Variants in NEDD4L observed in about 807,000 individuals in gnomAD.
NEDD4L encodes the protein NEDD4 like E3 ubiquitin protein ligase.
In NEDD4L, 54 loss-of-function variants were observed where a neutral mutation model predicts 148.9. The ratio of observed to expected loss-of-function variants is 0.36; its 90% CI spans 0.29 to 0.45. The LOEUF (loss-of-function observed/expected upper bound fraction) is 0.45. Among genes scored for constraint, NEDD4L ranks in the 20% least tolerant of loss-of-function variants. The probability of loss-of-function intolerance (pLI) is 1.00; values close to 1 mark genes in which losing one functional copy is unlikely to be tolerated. For synonymous variants in NEDD4L, 433 were observed against 440.7 expected, an observed-to-expected ratio of 0.98 and a Z score of 0.22; for missense variants, 856 against 1,233.8, an observed-to-expected ratio of 0.69 and a Z score of 4.59.
intron 2 of NEDD4L, among the ~76,000 whole-genome samples, chr18:58,239,761 T>C (rs1312491030): frequency 6.6e-6 from 1 of 152,144 alleles, no homozygotes; most frequent in African/African-American, 2.4e-5. Context: ...CTGCGCTGTC[T>C]TTTGCTTCAT....
At position 58,252,047 on chromosome 18, in the gene NEDD4L, A is replaced by G; in HGVS notation, c.290A>G (p.Asn97Ser). ...HRLLFEVFDE[N>S]RLTRDDFLGQ... Reference sequence around the variant, plus strand: ...CTCCTATTTGAAGTATTTGACGAAAATAGACTGGTAAGTGGATGCCTGTAT... The same window carrying G: ...CTCCTATTTGAAGTATTTGACGAAAGTAGACTGGTAAGTGGATGCCTGTAT... Residue 97 changes from asparagine (N) to serine (S), a missense_variant, in exon 5 of 31, where the codon AAT (asparagine) becomes AGT (serine). This residue lies in a region of NEDD4L where 193 missense variants were observed against 244.2 expected (regional missense o/e 0.79). Coordinates refer to ENST00000400345, the MANE Select transcript of NEDD4L (RefSeq NM_001144967.3). 6.3e-7 allele frequency: 1 copy of G among 1,592,166 alleles called. No individual in the cohort carries two copies.
In NEDD4L at chr18:58,396,192, T is replaced by C. The variant is rs1385995724; in HGVS notation, c.2851T>C (p.Tyr951His). 1 of 1,613,534 alleles carries C rather than the reference T, an allele frequency of 6.2e-7. No homozygotes were observed. The change falls in exon 31 of 31, where the codon TAT becomes CAT. Residue 951 changes from tyrosine to histidine, a missense_variant. By Grantham distance (83) the Tyr-to-His change is moderately conservative. This residue lies in a region of NEDD4L where 286 missense variants were observed against 531.8 expected (regional missense o/e 0.54). Coordinates refer to ENST00000400345, the MANE Select transcript of NEDD4L (RefSeq NM_001144967.3). ...TCFNRLDLPP[Y>H]ETFEDLREKL... ...CTTTAATCGCCTTGACTTACCTCCATATGAAACCTTTGAAGATTTACGAGA... is the reference window on the plus strand; with the variant it reads ...CTTTAATCGCCTTGACTTACCTCCACATGAAACCTTTGAAGATTTACGAGA...
chr18:58,086,132 C>G (rs1353531232), intron 1 of NEDD4L, among the ~76,000 whole-genome samples: 2 of 152,198 alleles, frequency 1.3e-5, no homozygotes, highest in East Asian at 3.8e-4. Context: ...ACATTTGACT[C>G]TGACTCCATT....
At chr18:58,227,775 T>G (rs2044550101) in intron 2 of NEDD4L, 1 of 477,054 alleles carries the variant, frequency 2.1e-6, no homozygotes, top group Admixed American at 6.4e-5. Flanking sequence ...GCTTAATCCT[T>G]TATTAATTGC....
At chr18:58,222,210 C>T (rs780071105) in intron 2 of NEDD4L, among the ~76,000 whole-genome samples, 10 of 152,142 alleles carry the variant, frequency 6.6e-5, no homozygotes, top group Non-Finnish European at 1.3e-4. Context: ...TGTTTCGAGT[C>T]TCAGTATTTC....
chr18:58,060,833 A>G (rs1194546064), intron 1 of NEDD4L, among the ~76,000 whole-genome samples: 1 of 152,112 alleles, frequency 6.6e-6, no homozygotes, highest in Non-Finnish European at 1.5e-5. Flanking sequence ...ATCTCAGCTC[A>G]CTACAACCTC....
chr18:58,266,605 G>C (rs531049132), intron 5 of NEDD4L, among the ~76,000 whole-genome samples: 1 of 152,076 alleles, frequency 6.6e-6, no homozygotes, highest in Non-Finnish European at 1.5e-5. Context: ...TCACACAAAC[G>C]GATTAACAAG....
intron 2 of NEDD4L, among the ~76,000 whole-genome samples, chr18:58,191,056 A>G (rs1326126198): frequency 3.4e-5 from 5 of 145,558 alleles, no homozygotes; most frequent in Admixed American, 3.4e-4. Context: ...GGCTGCAGTG[A>G]GTCATGAATA....
chr18:58,299,509 G>A (rs573995599), intron 5 of NEDD4L, among the ~76,000 whole-genome samples: 50 of 152,176 alleles, frequency 3.3e-4, no homozygotes, highest in Non-Finnish European at 6.6e-4. Flanking sequence ...TAGTACCTTT[G>A]TGTATACTAA....
chr18:58,325,311 T>C (rs1054635210), intron 9 of NEDD4L, 149 bp downstream of exon 9: 50 of 933,214 alleles, frequency 5.4e-5, no homozygotes, highest in Non-Finnish European at 9.4e-6. Context: ...TCCATTTACG[T>C]AAAGCATGCA....
chr18:58,325,136 C>T lies in NEDD4L; in HGVS notation c.654C>T (p.Thr218=). 6.2e-7 allele frequency: 1 copy of T among 1,613,998 alleles called. No individual in the cohort carries two copies. The highest frequency in any genetic ancestry group is 8.5e-7 in the Non-Finnish European group (1 of 1,179,876). The change falls in exon 9 of 31, where the codon ACC becomes ACT. Residue 218 remains threonine, a synonymous_variant. Transcript: ENST00000400345. Reference sequence around the variant, plus strand: ...ACTATGTCAACCACAACAACCGGACCACTCAGTGGCACAGACCAAGCCTGA... The same window carrying T: ...ACTATGTCAACCACAACAACCGGACTACTCAGTGGCACAGACCAAGCCTGA... ...RTYYVNHNNR[T]TQWHRPSLMD...
At position 58,380,748 on chromosome 18, in the gene NEDD4L, G is replaced by A. The variant is rs192018744; in HGVS notation, c.2353-2498G>A. ...AGCCCTCCACCCCATGACAGGCCCC[G>A]GTGTGTGATGTTCCCCTCCCTGTGT... On this transcript the variant is annotated intron_variant, in intron 24 of 30. Coordinates refer to ENST00000400345, the MANE Select transcript of NEDD4L (RefSeq NM_001144967.3). Among the ~76,000 whole-genome samples the A allele has an allele frequency of 6.1e-4, 93 of 152,052 alleles. 2 individuals are homozygous for A. In the East Asian group the frequency reaches 0.016, roughly 26 times the overall value.
chr18:58,301,877 T>A (rs1416534781), intron 5 of NEDD4L, among the ~76,000 whole-genome samples: 1 of 152,190 alleles, frequency 6.6e-6, no homozygotes, highest in Non-Finnish European at 1.5e-5. Context: ...TTACCACTGG[T>A]GCCATGCCCT....
intron 1 of NEDD4L, among the ~76,000 whole-genome samples, chr18:58,104,442 G>C (rs1050674630): frequency 2.6e-5 from 4 of 152,184 alleles, no homozygotes; most frequent in Admixed American, 1.3e-4. Context: ...ATGACATTGT[G>C]AATGTACTAA....
At chr18:58,110,348 G>C (rs192881555) in intron 1 of NEDD4L, among the ~76,000 whole-genome samples, 1 of 152,326 alleles carries the variant, frequency 6.6e-6, no homozygotes, top group East Asian at 1.9e-4. Flanking sequence ...TTTGTATCTA[G>C]GGTAGTCATT....
intron 5 of NEDD4L, among the ~76,000 whole-genome samples, chr18:58,258,899 A>G (rs1012753641): frequency 6.6e-6 from 1 of 152,188 alleles, no homozygotes. Flanking sequence ...TTGAAGGAAA[A>G]CATTCACTTG....
chr18:58,327,236 T>C (rs1320058709), intron 9 of NEDD4L, among the ~76,000 whole-genome samples: 4 of 152,174 alleles, frequency 2.6e-5, no homozygotes, highest in Non-Finnish European at 4.4e-5. Context: ...TAGCTGGGAT[T>C]ACAGGCGCCC....
chr18:58,195,566 G>A, intron 2 of NEDD4L: 1 of 1,339,318 alleles, frequency 7.5e-7, no homozygotes, highest in East Asian at 4.7e-5. Flanking sequence ...TGCCTCCCCA[G>A]CACGGCACCT....
chr18:58,116,767 C>T (rs2145752468), intron 1 of NEDD4L, among the ~76,000 whole-genome samples: 1 of 152,352 alleles, frequency 6.6e-6, no homozygotes, highest in East Asian at 1.9e-4. Flanking sequence ...TTAACATCCC[C>T]CATGCCCACC....
Sources: allele counts gnomAD v4.1 joint callset (sites outside exome capture counted in the v4.1 genomes callset), GRCh38; gene constraint gnomAD v4.1.1; regional missense constraint gnomAD v4.1.1; transcripts MANE v1.5; gene names NCBI Gene and HGNC (gene_info 2026-07-23, HGNC 2026-07-21).